Variants in MLXIPL observed in about 807,000 individuals in gnomAD.
The protein encoded by MLXIPL is carbohydrate-responsive element-binding protein.
Under a neutral mutation model 81.5 loss-of-function variants are expected in MLXIPL, and 49 were observed. The ratio of observed to expected loss-of-function variants is 0.60; its 90% CI spans 0.48 to 0.76. The LOEUF is 0.76. MLXIPL is among the 30% of genes least tolerant of loss of function. MLXIPL has a pLI of 0.00. For missense variants in MLXIPL, 1,053 were observed against 1,167.0 expected (o/e 0.90, Z 1.42); for synonymous variants, 466 against 485.5 (o/e 0.96, Z 0.53).
At chr7:73,606,400 T>C (rs1795281914) in intron 5 of MLXIPL, 1 of 506,920 alleles carries the variant, frequency 2.0e-6, no homozygotes, top group Admixed American at 3.8e-5. Context: ...CTCTGGTTTT[T>C]TTTTTTGTTT....
At chr7:73,637,495 A>AT in the MLXIPL span, among the ~76,000 whole-genome samples, 1 of 151,964 alleles carries the variant, frequency 6.6e-6, no homozygotes, top group African/African-American at 2.4e-5. Context: ...AAAAGAAAAA[A>AT]CAAAAAGGGG....
chr7:73,595,609 C>A lies in MLXIPL; in HGVS notation c.2310+28G>T, dbSNP rs377232524. On this transcript the variant is annotated intron_variant, in intron 15 of 16. Transcript: ENST00000313375. ...TCACCCTGCCACAGCCCCTGCAGCC[C>A]CCCAGCCATGGGCTTGAGGGAGGAT... 8 of 1,613,990 alleles carry A rather than the reference C, an allele frequency of 5.0e-6. No homozygotes were observed. The African/African-American group carries it at 1.1e-4, about 22-fold the overall frequency.
intron 8 of MLXIPL, 82 bp from the exon 9 acceptor site, chr7:73,597,795 C>T (rs1454012254): frequency 1.8e-6 from 2 of 1,087,146 alleles, no homozygotes; most frequent in East Asian, 5.8e-5. Flanking sequence ...CCTGCCCTGC[C>T]TTGCCCTGGC....
chr7:73,621,462 A>G (rs1796341029), intron 1 of MLXIPL, among the ~76,000 whole-genome samples: 1 of 151,382 alleles, frequency 6.6e-6, no homozygotes, highest in Non-Finnish European at 1.5e-5. Context: ...TGTTCTTCCC[A>G]CCACCTTCTG....
Position 73,624,478 on chromosome 7 carries a change from C to T in MLXIPL, c.15G>A (p.Leu5=). Residue 5 remains leucine (L), a synonymous_variant, in exon 1 of 17, where the codon CTG becomes CTA. Transcript: ENST00000313375. MAGA[L]AGLAAGLQVP... ...CCTGCAAGCCCGCGGCCAGACCTGC[C>T]AGCGCGCCGGCCATGGCTGTCGCCG... The T allele has an allele frequency of 2.0e-6, 3 of 1,530,562 alleles. No individual in the cohort carries two copies. Among genetic ancestry groups the T allele is most frequent in the Non-Finnish European group, 1.7e-6 (2 of 1,145,460 alleles). The allele number at this position is 1,530,562 out of a possible 1,614,324, so 94.8% of individuals were successfully genotyped here.
intron 2 of MLXIPL, among the ~76,000 whole-genome samples, chr7:73,614,954 G>A (rs1795921017): frequency 6.6e-6 from 1 of 152,002 alleles, no homozygotes; most frequent in African/African-American, 2.4e-5. Context: ...GGGACTACAG[G>A]CACCCGCCAC....
chr7:73,621,542 C>T (rs907015842), intron 1 of MLXIPL, among the ~76,000 whole-genome samples: 1 of 151,978 alleles, frequency 6.6e-6, no homozygotes, highest in Non-Finnish European at 1.5e-5. Context: ...TAATCTGCTC[C>T]CCTCCAGGGG....
At chr7:73,607,135 C>T (rs781963816) in intron 4 of MLXIPL, 117 bp from the exon 5 acceptor site, 1 of 1,413,326 alleles carries the variant, frequency 7.1e-7, no homozygotes, top group South Asian at 1.2e-5. Context: ...CAGGAGCTCA[C>T]CCGACCCCTA....
the MLXIPL span, among the ~76,000 whole-genome samples, chr7:73,631,558 C>CTTTTTTTTTTTTTTTTTTTTTT: frequency 2.2e-4 from 15 of 69,668 alleles, 3 homozygotes; most frequent in Non-Finnish European, 2.9e-4. Flanking sequence ...GATGTTGCTA[C>CTTTTTTTTTTTTTTTTTTTTTT]TTTTTTTTTT....
the MLXIPL span, among the ~76,000 whole-genome samples, chr7:73,635,687 CATCT>C: frequency 0.019 from 2,956 of 152,090 alleles, 101 homozygotes; most frequent in African/African-American, 0.068. Context: ...ATCATCCATC[CATCT>C]ATCTCTTTAT....
the MLXIPL span, among the ~76,000 whole-genome samples, chr7:73,637,059 C>CAA: frequency 7.5e-5 from 9 of 119,632 alleles, no homozygotes; most frequent in African/African-American, 2.2e-4. Flanking sequence ...GATTCCATCT[C>CAA]AAAAAAAAAA....
chr7:73,626,289 G>A (rs1409166921), upstream of MLXIPL, among the ~76,000 whole-genome samples: 1 of 147,898 alleles, frequency 6.8e-6, no homozygotes, highest in East Asian at 2.0e-4. Context: ...CCAGGCATGC[G>A]CCACCGTGCC....
Position 73,597,487 on chromosome 7 carries a change from G to A in MLXIPL, c.1298C>T (p.Pro433Leu). Residue 433 changes from proline to leucine, a missense_variant, in exon 9 of 17, where the codon CCC becomes CTC. Transcript: ENST00000313375. ...ALLQEEPLFS[P>L]RFPFPTVPPA... ...AGGGACGGTGGGGAAGGGAAACCTG[G>A]GAGAGAAGAGAGGCTCTTCCTGCAG... The A allele has an allele frequency of 7.1e-7, 1 of 1,415,774 alleles. No homozygotes were observed. Among genetic ancestry groups the A allele is most frequent in the Admixed American group, 3.2e-5 (1 of 31,588 alleles). The allele number at this position is 1,415,774 out of a possible 1,614,324, so 87.7% of individuals were successfully genotyped here. A position where few individuals can be genotyped will look rare whatever the true frequency, so the allele number is the denominator to read the frequency against.
At chr7:73,606,394 G>GTT in intron 5 of MLXIPL, 1 of 492,544 alleles carries the variant, frequency 2.0e-6, no homozygotes, top group South Asian at 3.3e-5. Context: ...TGGTCCCTCT[G>GTT]GTTTTTTTTT....
Position 73,605,768 on chromosome 7 carries a change from G to A in MLXIPL, c.821C>T (p.Ala274Val). Residue 274 changes from alanine (A) to valine (V), a missense_variant and splice_region_variant, in exon 7 of 17, where the codon GCC (alanine) becomes GTC (valine). Physicochemically the swap from Ala to Val is moderately conservative, Grantham distance 64 (BLOSUM62 0). Coordinates refer to ENST00000313375, the MANE Select transcript of MLXIPL (RefSeq NM_032951.3). Reference protein sequence around the residue: ...PSPLQLPPEDAYVGNADMIQP... With the variant: ...PSPLQLPPEDVYVGNADMIQP... ...GATCATGTCAGCATTGCCGACGTAG[G>A]CTGGAGGCAGCAGTGGCGACATCAG... 3 of 1,613,022 alleles carry A rather than the reference G, an allele frequency of 1.9e-6. No homozygotes were observed. The highest frequency in any genetic ancestry group is 2.2e-5 in the South Asian group (2 of 90,906).
At chr7:73,619,925 G>A (rs987233075) in intron 1 of MLXIPL, among the ~76,000 whole-genome samples, 2 of 151,874 alleles carry the variant, frequency 1.3e-5, no homozygotes, top group African/African-American at 4.8e-5. Context: ...GCAAGACTCC[G>A]TCTCAAAAAA....
In MLXIPL at chr7:73,596,452, A is replaced by G. The variant is rs782091958; in HGVS notation, c.1850T>C (p.Leu617Pro). The G allele has an allele frequency of 3.1e-6, 5 of 1,612,784 alleles. No individual in the cohort carries two copies. In the Admixed American group the frequency reaches 5.0e-5, roughly 16 times the overall value. ...SGSERRLSGD[L>P]SSMPGPGTLS... ...AGTCCCAGGGCCTGGCATGGAGCTGAGGTCCCCTGACAGCCGCCGTTCACT... is the reference window on the plus strand; with the variant it reads ...AGTCCCAGGGCCTGGCATGGAGCTGGGGTCCCCTGACAGCCGCCGTTCACT... Residue 617 changes from leucine to proline, a missense_variant, in exon 12 of 17, where the codon CTC (leucine) becomes CCC (proline). This residue lies in a region of MLXIPL where 823 missense variants were observed against 933.0 expected (regional missense o/e 0.88). Coordinates refer to ENST00000313375, the MANE Select transcript of MLXIPL (RefSeq NM_032951.3). This position sits in a 1 kb window ranked among gnomAD's most constrained non-coding sequence, Gnocchi z 4.7.
intron 5 of MLXIPL, 127 bp downstream of exon 5, chr7:73,606,847 C>T: frequency 9.6e-7 from 1 of 1,036,444 alleles, no homozygotes; most frequent in South Asian, 1.4e-5. Flanking sequence ...ATGGCAGTAA[C>T]ATCCCACATT....
upstream of MLXIPL, among the ~76,000 whole-genome samples, chr7:73,626,557 C>T (rs1297766247): frequency 6.6e-6 from 1 of 151,984 alleles, no homozygotes; most frequent in East Asian, 1.9e-4. Flanking sequence ...GGCCTTTCTG[C>T]TTCTGAAGCC....
Sources: allele counts gnomAD v4.1 joint callset (sites outside exome capture counted in the v4.1 genomes callset), GRCh38; gene constraint gnomAD v4.1.1; regional missense constraint gnomAD v4.1.1; non-coding constraint Gnocchi (gnomAD v3.1); transcripts MANE v1.5; gene names NCBI Gene and HGNC (gene_info 2026-07-23, HGNC 2026-07-21).